The following PCDHA8 variants were observed in gnomAD, a reference collection of about 807,000 sequenced individuals.
The protein encoded by PCDHA8 is protocadherin alpha-8.
In PCDHA8, 53 loss-of-function variants were observed where a neutral mutation model predicts 61.8. That is an observed-to-expected ratio of 0.86 (90% CI 0.69 to 1.08). The LOEUF (loss-of-function observed/expected upper bound fraction) is 1.08. Ranked by LOEUF, PCDHA8 falls within the 50% of genes least tolerant of loss-of-function variation. The pLI is 0.00. For synonymous variants in PCDHA8, 618 were observed against 556.6 expected (o/e 1.11, Z -1.55); for missense variants, 1,293 against 1,245.0 (o/e 1.04, Z -0.58).
chr5:140,874,215 G>A (rs2054781939), intron 1 of PCDHA8, among the ~76,000 whole-genome samples: 1 of 152,180 alleles, frequency 6.6e-6, no homozygotes, highest in Non-Finnish European at 1.5e-5. Context: ...ATTATTATAT[G>A]CAGTAGGAAT....
chr5:140,952,832 G>A (rs560488815), intron 1 of PCDHA8, among the ~76,000 whole-genome samples: 1 of 152,226 alleles, frequency 6.6e-6, no homozygotes, highest in African/African-American at 2.4e-5. Context: ...GCATGATGCT[G>A]GCCATCTGCT....
At chr5:140,924,670 C>A (rs2081947196) in intron 1 of PCDHA8, among the ~76,000 whole-genome samples, 1 of 151,926 alleles carries the variant, frequency 6.6e-6, no homozygotes, top group African/African-American at 2.4e-5. Flanking sequence ...CGAGGCAGGC[C>A]AATCACTTGA....
chr5:140,857,220 A>C (rs1554149674), intron 1 of PCDHA8: 1 of 1,598,480 alleles, frequency 6.3e-7, no homozygotes, highest in Admixed American at 1.7e-5. Flanking sequence ...CTGACGCCTC[A>C]CGTTCCGTTC....
intron 1 of PCDHA8, among the ~76,000 whole-genome samples, chr5:140,891,064 A>T (rs1442139760): frequency 6.6e-6 from 1 of 152,206 alleles, no homozygotes; most frequent in East Asian, 1.9e-4. Flanking sequence ...AGTAAATATT[A>T]TTCCAGTGTC....
intron 1 of PCDHA8, chr5:140,861,416 C>A (rs1053647411): frequency 8.4e-6 from 4 of 476,934 alleles, no homozygotes; most frequent in African/African-American, 6.0e-5. Context: ...TGATACCGCG[C>A]CTGTTTCAGT....
chr5:140,893,294 T>C (rs539821362), intron 1 of PCDHA8, among the ~76,000 whole-genome samples: 97 of 152,304 alleles, frequency 6.4e-4, no homozygotes, highest in African/African-American at 2.3e-3. Flanking sequence ...ATATGGTAGT[T>C]CTATTTGTAG....
chr5:140,911,953 G>T (rs1554195050), intron 1 of PCDHA8, among the ~76,000 whole-genome samples: 1 of 152,094 alleles, frequency 6.6e-6, no homozygotes, highest in Non-Finnish European at 1.5e-5. Context: ...TAAAGGGGAG[G>T]TTACTAAGGA....
intron 1 of PCDHA8, among the ~76,000 whole-genome samples, chr5:140,978,124 G>A (rs1554239035): frequency 6.6e-6 from 1 of 152,140 alleles, no homozygotes; most frequent in East Asian, 1.9e-4. Context: ...GTCTTTAGGT[G>A]CCCATATTTT....
At chr5:140,945,437 A>T (rs2093790061) in intron 1 of PCDHA8, among the ~76,000 whole-genome samples, 1 of 152,192 alleles carries the variant, frequency 6.6e-6, no homozygotes, top group South Asian at 2.1e-4. Context: ...TTTTACAGAA[A>T]TATAAAAAAC....
chr5:140,967,700 G>A lies in PCDHA8; in HGVS notation c.2395-11249G>A. ...GGAGAGGCAGCTCTTCAGCATAGAT[G>A]CCAGTACCGGGGAAGTGCGAGTAAT... On this transcript the variant is annotated intron_variant, in intron 1 of 3. Transcript: ENST00000531613. 4 of 1,614,196 alleles carry A rather than the reference G, an allele frequency of 2.5e-6. No homozygotes were observed. In the South Asian group the frequency reaches 4.4e-5, roughly 18 times the overall value.
chr5:140,876,555 G>C (rs782622293), intron 1 of PCDHA8: 1 of 1,614,072 alleles, frequency 6.2e-7, no homozygotes, highest in African/African-American at 1.3e-5. Context: ...CTGTGCAAGA[G>C]GATGCTCAGG....
intron 1 of PCDHA8, among the ~76,000 whole-genome samples, chr5:140,881,806 C>G (rs545752672): frequency 1.3e-5 from 2 of 152,238 alleles, no homozygotes; most frequent in African/African-American, 4.8e-5. Context: ...AAACGAGTGT[C>G]GAATATTCTT....
chr5:140,861,715 C>A, intron 1 of PCDHA8: 1 of 216,886 alleles, frequency 4.6e-6, no homozygotes, highest in South Asian at 7.0e-5. Flanking sequence ...ACGTCGGGGC[C>A]AATGCTCTGA....
chr5:141,007,981 T>C (rs1346324109), intron 3 of PCDHA8, among the ~76,000 whole-genome samples: 1 of 152,260 alleles, frequency 6.6e-6, no homozygotes, highest in African/African-American at 2.4e-5. Context: ...GTCATGTATA[T>C]ATGAAATGTA....
At chr5:140,919,488 T>C (rs149191060) in intron 1 of PCDHA8, among the ~76,000 whole-genome samples, 58 of 152,320 alleles carry the variant, frequency 3.8e-4, no homozygotes, top group African/African-American at 1.3e-3. Context: ...TTTATGTTTG[T>C]TATTTTACTC....
At chr5:140,938,204 C>T (rs2091973590) in intron 1 of PCDHA8, among the ~76,000 whole-genome samples, 1 of 152,136 alleles carries the variant, frequency 6.6e-6, no homozygotes, top group East Asian at 1.9e-4. Flanking sequence ...CGCCAGCCTC[C>T]CAAAGTGCTG....
At chr5:140,869,882 T>C (rs1181573683) in intron 1 of PCDHA8, 1 of 1,610,250 alleles carries the variant, frequency 6.2e-7, no homozygotes, top group African/African-American at 1.3e-5. Flanking sequence ...AAAGAAACTC[T>C]TGTGCTCAAA....
chr5:140,941,202 C>CCTTCCTTTCTTTCTTTCTTTCTTT (rs1554213920), intron 1 of PCDHA8, among the ~76,000 whole-genome samples: 8 of 122,742 alleles, frequency 6.5e-5, no homozygotes, highest in Non-Finnish European at 1.1e-4. Flanking sequence ...TTTCTTTCTT[C>CCTTCCTTTCTTTCTTTCTTTCTTT]CTTTCTTTCT....
chr5:140,993,071 G>A (rs1301535845), intron 3 of PCDHA8, among the ~76,000 whole-genome samples: 9 of 152,222 alleles, frequency 5.9e-5, no homozygotes, highest in African/African-American at 2.2e-4. Flanking sequence ...TGTTCCTGCA[G>A]TCTGCAATCA....
Sources: gnomAD v4.1 joint callset for allele counts (sites outside exome capture counted in the v4.1 genomes callset) on GRCh38, gnomAD v4.1.1 for gene constraint, MANE v1.5 for transcripts, NCBI Gene and HGNC (gene_info 2026-07-23, HGNC 2026-07-21) for gene names.